The following FKBP3 variants were observed in gnomAD, a reference collection of about 807,000 sequenced individuals.
FKBP3 encodes the protein peptidyl-prolyl cis-trans isomerase FKBP3.
A neutral mutation model predicts 30.6 loss-of-function variants in FKBP3; 21 were observed. The ratio of observed to expected loss-of-function variants is 0.69; its 90% CI spans 0.49 to 0.99. The LOEUF is 0.99. Among genes scored for constraint, FKBP3 ranks in the 50% least tolerant of loss-of-function variants. FKBP3 has a pLI of 0.00. For missense variants in FKBP3, 283 were observed against 261.6 expected, an observed-to-expected ratio of 1.08 and a Z score of -0.56; for synonymous variants, 82 against 91.3, an observed-to-expected ratio of 0.90 and a Z score of 0.58.
chr14:45,122,450 A>G (rs1885006250), intron 3 of FKBP3, among the ~76,000 whole-genome samples: 1 of 152,202 alleles, frequency 6.6e-6, no homozygotes, highest in Non-Finnish European at 1.5e-5. Flanking sequence ...ATTCATATCT[A>G]TTAGTTCCTG....
chr14:45,122,404 A>T (rs1885005161), intron 3 of FKBP3, among the ~76,000 whole-genome samples: 1 of 152,238 alleles, frequency 6.6e-6, no homozygotes, highest in Admixed American at 6.5e-5. Flanking sequence ...TAAATTTCAT[A>T]AAATAAATAA....
intron 5 of FKBP3, among the ~76,000 whole-genome samples, chr14:45,119,470 G>A (rs1043563585): frequency 1.2e-4 from 18 of 152,070 alleles, no homozygotes; most frequent in African/African-American, 4.1e-4. Flanking sequence ...TCGGGAGGCT[G>A]AGGCAGGAGA....
At position 45,134,360 on chromosome 14, in the gene FKBP3, C is replaced by A; in HGVS notation, c.97G>T (p.Gly33Cys). Residue 33 changes from glycine to cysteine, a missense_variant, in exon 1 of 7, where the codon GGT becomes TGT. By Grantham distance (159) the Gly-to-Cys change is radical. Transcript: ENST00000396062. ...TACGCCTCTGGTACCGAATCTGAAC[C>A]GTGTTCCTGCAGAAACTTGATAATG... is the stretch of plus-strand genomic sequence containing the variant. Reference protein sequence around the residue: ...KDIIKFLQEHGSDSFLAEHKL... With the variant: ...KDIIKFLQEHCSDSFLAEHKL... 1.2e-6 allele frequency: 2 copies of A among 1,613,566 alleles called. No individual in the cohort carries two copies. Among genetic ancestry groups the A allele is most frequent in the Admixed American group, 1.7e-5 (1 of 59,960 alleles).
Position 45,134,445 on chromosome 14 carries a change from G to C in FKBP3, c.12C>G (p.Ala4=), listed in dbSNP as rs115291634. 6 of 1,609,676 alleles carry C rather than the reference G, an allele frequency of 3.7e-6. No individual in the cohort carries two copies. The East Asian group carries it at 9.0e-5, about 24-fold the overall frequency. Residue 4 remains alanine, a synonymous_variant, in exon 1 of 7, where the codon GCC becomes GCG. Transcript: ENST00000396062. Reference sequence around the variant, plus strand: ...CCACGGTCCACGCCCGCTGTGGAACGGCCGCCGCCATCTTCCCCCGCTGCC... The same window carrying C: ...CCACGGTCCACGCCCGCTGTGGAACCGCCGCCGCCATCTTCCCCCGCTGCC... MAA[A]VPQRAWTVEQ... is the part of the protein sequence containing the mutation.
Position 45,116,351 on chromosome 14 carries a change from A to G in FKBP3, c.621-99T>C. ...CTGACTAGATAGGCTCACTAGATAA[A>G]TTGAGCTTGGACTAGGATCCTCCTT... On this transcript the variant is annotated intron_variant, in intron 6 of 6. Transcript: ENST00000396062. The G allele has an allele frequency of 3.7e-6, 3 of 807,926 alleles. No individual in the cohort carries two copies. In the South Asian group the frequency reaches 4.6e-5, roughly 12 times the overall value. The allele number at this position is 807,926 out of a possible 1,614,324, so 50.0% of individuals were successfully genotyped here.
At position 45,121,522 on chromosome 14, in the gene FKBP3, T is replaced by A. The variant is rs1884984476; in HGVS notation, c.417A>T (p.Leu139=). ...TAGTATCAAAAACAGTCCCATCTTG[T>A]AGTGTTCCTGTATACCAGCAGTGAA... is the stretch of plus-strand genomic sequence containing the variant. ...DVVHCWYTGT[L]QDGTVFDTNI... Residue 139 remains leucine, a synonymous_variant, in exon 4 of 7, where the codon CTA becomes CTT. Coordinates refer to ENST00000396062, the MANE Select transcript of FKBP3 (RefSeq NM_002013.4). 1 of 1,613,570 alleles carries A rather than the reference T, an allele frequency of 6.2e-7. No individual in the cohort carries two copies. Among genetic ancestry groups the A allele is most frequent in the Non-Finnish European group, 8.5e-7 (1 of 1,179,624 alleles).
At chr14:45,117,304 A>G (rs1362422542) in intron 6 of FKBP3, among the ~76,000 whole-genome samples, 1 of 152,206 alleles carries the variant, frequency 6.6e-6, no homozygotes, top group Non-Finnish European at 1.5e-5. Flanking sequence ...TAAGAGAGCT[A>G]TTATATTCCC....
intron 3 of FKBP3, among the ~76,000 whole-genome samples, chr14:45,123,684 G>A (rs1376741049): frequency 7.7e-6 from 1 of 130,506 alleles, no homozygotes; most frequent in East Asian, 2.3e-4. Context: ...GCATGATCTC[G>A]GCTCATTGCA....
intron 4 of FKBP3, 23 bp from the exon 5 acceptor site, chr14:45,120,977 C>G (rs1428630913): frequency 6.4e-7 from 1 of 1,568,984 alleles, no homozygotes; most frequent in Non-Finnish European, 8.8e-7. Context: ...TTTTCCTTAT[C>G]ATTAATGATA....
At chr14:45,125,190 A>G (rs1156652070) in intron 3 of FKBP3, among the ~76,000 whole-genome samples, 1 of 152,254 alleles carries the variant, frequency 6.6e-6, no homozygotes, top group Non-Finnish European at 1.5e-5. Context: ...TGTTGGGATT[A>G]CAGGCGTGAG....
At chr14:45,125,089 G>C (rs1399708050) in intron 3 of FKBP3, among the ~76,000 whole-genome samples, 1 of 152,094 alleles carries the variant, frequency 6.6e-6, no homozygotes, top group African/African-American at 2.4e-5. Flanking sequence ...GCTAATTTTT[G>C]TATTTTTAGT....
intron 5 of FKBP3, among the ~76,000 whole-genome samples, chr14:45,118,395 C>T (rs938850624): frequency 2.6e-5 from 4 of 151,888 alleles, no homozygotes; most frequent in Admixed American, 6.6e-5. Flanking sequence ...TTTGGGAGGC[C>T]GAGGTGGGCA....
intron 5 of FKBP3, among the ~76,000 whole-genome samples, chr14:45,118,561 G>A (rs1030806466): frequency 1.3e-5 from 2 of 152,018 alleles, no homozygotes; most frequent in African/African-American, 2.4e-5. Context: ...AACCCAGAAG[G>A]TGGAGGTTGC....
intron 1 of FKBP3, among the ~76,000 whole-genome samples, chr14:45,133,020 G>T (rs1332633126): frequency 6.6e-6 from 1 of 152,182 alleles, no homozygotes; most frequent in Non-Finnish European, 1.5e-5. Flanking sequence ...CAAACACTGA[G>T]AATAGTTCTT....
chr14:45,122,062 G>A (rs1884996678), intron 3 of FKBP3, among the ~76,000 whole-genome samples: 1 of 152,120 alleles, frequency 6.6e-6, no homozygotes, highest in African/African-American at 2.4e-5. Flanking sequence ...CAATTAGAAT[G>A]AATACAGTGA....
intron 5 of FKBP3, 110 bp from the exon 6 acceptor site, chr14:45,118,235 A>G (rs1216523590): frequency 3.2e-6 from 2 of 634,830 alleles, no homozygotes; most frequent in Non-Finnish European, 5.5e-6. Context: ...ATCTATTACT[A>G]TAGATTTCAC....
chr14:45,125,634 A>G (rs1052193381), intron 3 of FKBP3, among the ~76,000 whole-genome samples: 7 of 152,228 alleles, frequency 4.6e-5, no homozygotes, highest in African/African-American at 1.7e-4. Context: ...CATAAGAGCT[A>G]TTAGACAAGT....
At chr14:45,131,761 G>A (rs986852539) in intron 1 of FKBP3, among the ~76,000 whole-genome samples, 3 of 151,970 alleles carry the variant, frequency 2.0e-5, no homozygotes, top group Non-Finnish European at 2.9e-5. Flanking sequence ...GTTGATATAA[G>A]GATAAAATGC....
intron 1 of FKBP3, among the ~76,000 whole-genome samples, chr14:45,133,785 T>G (rs1285855223): frequency 6.6e-6 from 1 of 152,206 alleles, no homozygotes; most frequent in African/African-American, 2.4e-5. Flanking sequence ...GAAATGTGCA[T>G]GTAGCTCCCT....
Sources: allele counts gnomAD v4.1 joint callset (sites outside exome capture counted in the v4.1 genomes callset), GRCh38; gene constraint gnomAD v4.1.1; transcripts MANE v1.5; gene names NCBI Gene and HGNC (gene_info 2026-07-23, HGNC 2026-07-21).